Variants in CDCA2 observed in about 807,000 individuals in gnomAD.
CDCA2 encodes the protein cell division cycle-associated protein 2.
A neutral mutation model predicts 67.0 loss-of-function variants in CDCA2; 44 were observed. That is an observed-to-expected ratio of 0.66 (90% CI 0.52 to 0.84). The LOEUF (loss-of-function observed/expected upper bound fraction) is 0.84, where lower values mean the gene tolerates loss of function less well. Ranked by LOEUF, CDCA2 falls within the 40% of genes least tolerant of loss-of-function variation. The pLI, the probability that CDCA2 is intolerant of heterozygous loss-of-function variation, is 0.00. For missense variants in CDCA2, 1,253 were observed against 1,203.2 expected, an observed-to-expected ratio of 1.04 and a Z score of -0.61; for synonymous variants, 447 against 418.7, an observed-to-expected ratio of 1.07 and a Z score of -0.82.
upstream of CDCA2, chr8:25,458,981 G>C (rs954004874): frequency 6.6e-5 from 10 of 152,382 alleles, no homozygotes; most frequent in African/African-American, 2.2e-4. Flanking sequence ...TACTCCGCGA[G>C]ACTCTCCTGA....
At position 25,484,083 on chromosome 8, in the gene CDCA2, C is replaced by T; in HGVS notation, c.1238C>T (p.Pro413Leu). Residue 413 changes from proline (P) to leucine (L), a missense_variant, in exon 10 of 15, where the codon CCA becomes CTA. Coordinates refer to ENST00000330560, the MANE Select transcript of CDCA2 (RefSeq NM_152562.4). ...GATGAATCTTTGCCAGCAAATACTC[C>T]ATTGCGTAAAGGAGGAACACCTGTT... Reference protein sequence around the residue: ...VFDESLPANTPLRKGGTPVCK... With the variant: ...VFDESLPANTLLRKGGTPVCK... 6.2e-7 allele frequency: 1 copy of T among 1,614,140 alleles called. No homozygotes were observed.
chr8:25,486,361 G>A (rs945456405), intron 11 of CDCA2, among the ~76,000 whole-genome samples: 1 of 152,142 alleles, frequency 6.6e-6, no homozygotes, highest in Admixed American at 6.5e-5. Flanking sequence ...TTCCCTGGCG[G>A]AAACCCCTTA....
intron 8 of CDCA2, among the ~76,000 whole-genome samples, chr8:25,482,797 G>C (rs1157966418): frequency 6.6e-6 from 1 of 152,204 alleles, no homozygotes; most frequent in African/African-American, 2.4e-5. Context: ...TTGAACCTGG[G>C]TGACAGGTTG....
chr8:25,469,308 C>G (rs750573823), intron 6 of CDCA2, among the ~76,000 whole-genome samples: 1 of 152,206 alleles, frequency 6.6e-6, no homozygotes, highest in Non-Finnish European at 1.5e-5. Flanking sequence ...GTATTTCAGT[C>G]GCCTGTAATC....
At chr8:25,479,888 T>C in intron 7 of CDCA2, 25 bp from the exon 8 acceptor site, 1 of 1,607,828 alleles carries the variant, frequency 6.2e-7, no homozygotes, top group Non-Finnish European at 8.5e-7. Context: ...CTTCTGCCTC[T>C]CAAGTTTACA....
At position 25,498,585 on chromosome 8, in the gene CDCA2, C is replaced by T. The variant is rs551096458; in HGVS notation, c.1672-4788C>T. Among the ~76,000 whole-genome samples the T allele has an allele frequency of 5.9e-5, 9 of 151,776 alleles. No individual in the cohort carries two copies. The East Asian group carries it at 1.8e-3, about 30-fold the overall frequency. On this transcript the variant is annotated intron_variant, in intron 13 of 14. Transcript: ENST00000330560. ...TTCTAAGAAGTAATGCAGAAAGATC[C>T]CAAGTACCCTTTACCTAGTTTCCCC...
At chr8:25,463,444 G>A (rs1802779386) in intron 4 of CDCA2, among the ~76,000 whole-genome samples, 1 of 152,160 alleles carries the variant, frequency 6.6e-6, no homozygotes, top group Non-Finnish European at 1.5e-5. Flanking sequence ...GGTGAGGCTG[G>A]TGCAAACAGT....
In CDCA2 at chr8:25,462,053, G is replaced by A. The variant is rs951519699; in HGVS notation, c.233-1G>A. 6.2e-7 allele frequency: 1 copy of A among 1,612,524 alleles called. No individual in the cohort carries two copies. Among genetic ancestry groups the A allele is most frequent in the African/African-American group, 1.3e-5 (1 of 74,996 alleles). ...CAATTTATAAGAGAGTTTCATTACA[G>A]GAAAGTCATCATCCTACCTTAAAAA... On this transcript the variant is annotated splice_acceptor_variant, in intron 3 of 14. Transcript: ENST00000330560. LOFTEE classifies it high-confidence loss of function.
At chr8:25,479,217 A>G (rs1803471810) in intron 7 of CDCA2, among the ~76,000 whole-genome samples, 1 of 151,464 alleles carries the variant, frequency 6.6e-6, no homozygotes, top group Non-Finnish European at 1.5e-5. Flanking sequence ...TCCTCATGTT[A>G]CCCTTCATAG....
In CDCA2 at chr8:25,499,202, G is replaced by A. The variant is rs1804369605; in HGVS notation, c.1672-4171G>A. Reference sequence around the variant, plus strand: ...GCTAACTGCAAGAGCTAAAAGTGGAGCCAGCAGATAAGTAAGCACCAGGGG... The same window carrying A: ...GCTAACTGCAAGAGCTAAAAGTGGAACCAGCAGATAAGTAAGCACCAGGGG... On this transcript the variant is annotated intron_variant, in intron 13 of 14. Coordinates refer to ENST00000330560, the MANE Select transcript of CDCA2 (RefSeq NM_152562.4). Among the ~76,000 whole-genome samples the A allele has an allele frequency of 2.0e-5, 3 of 152,044 alleles. No homozygotes were observed. The South Asian group carries it at 6.2e-4, about 32-fold the overall frequency.
intron 4 of CDCA2, among the ~76,000 whole-genome samples, chr8:25,463,852 A>G (rs1464150961): frequency 4.6e-5 from 7 of 152,130 alleles, no homozygotes; most frequent in African/African-American, 1.7e-4. Flanking sequence ...TTCCACTCAC[A>G]GGGCACACTG....
At chr8:25,478,177 A>C (rs1417862046) in intron 7 of CDCA2, among the ~76,000 whole-genome samples, 1 of 151,514 alleles carries the variant, frequency 6.6e-6, no homozygotes, top group African/African-American at 2.4e-5. Context: ...CTTCCATTCC[A>C]CCTTGGTCTC....
At chr8:25,460,972 A>G (rs1157692708) in intron 3 of CDCA2, among the ~76,000 whole-genome samples, 1 of 152,156 alleles carries the variant, frequency 6.6e-6, no homozygotes, top group African/African-American at 2.4e-5. Flanking sequence ...ACCTCCTTTA[A>G]CAATCACAAA....
intron 3 of CDCA2, among the ~76,000 whole-genome samples, chr8:25,460,834 C>T (rs1218756942): frequency 6.6e-6 from 1 of 152,044 alleles, no homozygotes; most frequent in African/African-American, 2.4e-5. Context: ...CACTTTTTGA[C>T]CTGTCACCTA....
rs777214699 is a variant in CDCA2, at chr8:25,506,969, A to G, written c.2303A>G (p.Asp768Gly). 1 of 1,614,006 alleles carries G rather than the reference A, an allele frequency of 6.2e-7. No individual in the cohort carries two copies. The highest frequency in any genetic ancestry group is 8.5e-7 in the Non-Finnish European group (1 of 1,179,948). Residue 768 changes from aspartate to glycine, a missense_variant, in exon 15 of 15, where the codon GAC becomes GGC. Physicochemically the swap from Asp to Gly is moderately conservative, Grantham distance 94 (BLOSUM62 -1). Transcript: ENST00000330560. Reference sequence around the variant, plus strand: ...AACATAAAGTGTGAAAGAAAGGATGACTTCTTAGGAGCTGCAGAAGGAAAA... The same window carrying G: ...AACATAAAGTGTGAAAGAAAGGATGGCTTCTTAGGAGCTGCAGAAGGAAAA... ...DLNIKCERKD[D>G]FLGAAEGKLQ...
In CDCA2 at chr8:25,507,285, G is replaced by A. The variant is rs1420315607; in HGVS notation, c.2619G>A (p.Leu873=). 2 of 1,614,146 alleles carry A rather than the reference G, an allele frequency of 1.2e-6. No homozygotes were observed. Among genetic ancestry groups the A allele is most frequent in the Non-Finnish European group, 1.7e-6 (2 of 1,180,028 alleles). The part of the protein sequence containing the change: ...SLENSELFKD[L]SDAIEQTFQR... ...AAAATTCTGAACTGTTTAAAGATTT[G>A]TCTGATGCCATTGAGCAAACCTTTC... is the stretch of plus-strand genomic sequence containing the variant. The change falls in exon 15 of 15, where the codon TTG becomes TTA. Residue 873 remains leucine, a synonymous_variant. Coordinates refer to ENST00000330560, the MANE Select transcript of CDCA2 (RefSeq NM_152562.4).
intron 6 of CDCA2, among the ~76,000 whole-genome samples, chr8:25,469,134 A>G (rs534312542): frequency 3.9e-5 from 6 of 152,322 alleles, no homozygotes; most frequent in Admixed American, 3.9e-4. Flanking sequence ...GTAGCTCCTC[A>G]TGGCCTTTGT....
Position 25,507,627 on chromosome 8 carries a change from A to G in CDCA2, c.2961A>G (p.Lys987=), listed in dbSNP as rs555965896. 162 of 1,614,214 alleles carry G rather than the reference A, an allele frequency of 1.0e-4. No individual in the cohort carries two copies. The South Asian group carries it at 1.7e-3, about 17-fold the overall frequency. ...GTATATCTACACTTGCAAATACTAAAGCCACTTCCCAGTTCAAAGGCTACC... is the reference window on the plus strand; with the variant it reads ...GTATATCTACACTTGCAAATACTAAGGCCACTTCCCAGTTCAAAGGCTACC... ...SFCISTLANT[K]ATSQFKGYRR... is the part of the protein sequence containing the mutation. Residue 987 remains lysine (K), a synonymous_variant, in exon 15 of 15, where the codon AAA becomes AAG. Transcript: ENST00000330560.
At position 25,466,333 on chromosome 8, in the gene CDCA2, GA is replaced by G; in HGVS notation, c.538+11del. On this transcript the variant is annotated intron_variant, in intron 5 of 14. Coordinates refer to ENST00000330560, the MANE Select transcript of CDCA2 (RefSeq NM_152562.4). ...CCGAGATGACAGACTTGAGTGAGTA[GA>G]AATAATTCGTTCAGTTTTGACTTCA... 6.4e-7 allele frequency: 1 copy of G among 1,574,388 alleles called. No individual in the cohort carries two copies. The highest frequency in any genetic ancestry group is 8.6e-7 in the Non-Finnish European group (1 of 1,166,738).
Sources: allele counts gnomAD v4.1 joint callset (sites outside exome capture counted in the v4.1 genomes callset), GRCh38; gene constraint gnomAD v4.1.1; transcripts MANE v1.5; gene names NCBI Gene and HGNC (gene_info 2026-07-23, HGNC 2026-07-21).